Variants in USP48 observed in about 807,000 individuals in gnomAD.
USP48 encodes ubiquitin carboxyl-terminal hydrolase 48.
A neutral mutation model predicts 150.7 loss-of-function variants in USP48; 43 were observed. That is an observed-to-expected ratio of 0.29 (90% CI 0.22 to 0.37). The LOEUF (loss-of-function observed/expected upper bound fraction) is 0.37. USP48 is among the 10% of genes least tolerant of loss of function. The probability of loss-of-function intolerance (pLI) is 1.00; values close to 1 mark genes in which losing one functional copy is unlikely to be tolerated. For missense variants in USP48, 813 were observed against 1,249.6 expected (o/e 0.65, Z 5.27); for synonymous variants, 396 against 425.9 (o/e 0.93, Z 0.86).
chr1:21,771,931 G>A (rs1442215786), intron 1 of USP48, among the ~76,000 whole-genome samples: 1 of 150,892 alleles, frequency 6.6e-6, no homozygotes, highest in African/African-American at 2.4e-5. Flanking sequence ...AAAAAAAAAA[G>A]GACTGAAAAA....
chr1:21,728,434 C>A, intron 11 of USP48, 136 bp downstream of exon 11: 1 of 1,465,948 alleles, frequency 6.8e-7, no homozygotes, highest in Non-Finnish European at 9.0e-7. Flanking sequence ...TTACAAAGTA[C>A]TTTTAGAGTG....
chr1:21,720,516 T>G (rs1557492930), intron 14 of USP48, among the ~76,000 whole-genome samples: 3 of 151,560 alleles, frequency 2.0e-5, no homozygotes, highest in Non-Finnish European at 4.4e-5. Context: ...GCTCATTTTT[T>G]GGGTTTTTCT....
intron 21 of USP48, 57 bp from the exon 22 acceptor site, chr1:21,701,659 G>A (rs2152515078): frequency 6.8e-7 from 1 of 1,469,862 alleles, no homozygotes; most frequent in Non-Finnish European, 9.5e-7. Context: ...GGCAGGCTAT[G>A]GAGGATGTGG....
intron 1 of USP48, among the ~76,000 whole-genome samples, chr1:21,774,443 C>T (rs1044371117): frequency 6.6e-6 from 1 of 152,042 alleles, no homozygotes; most frequent in Non-Finnish European, 1.5e-5. Flanking sequence ...AATCCCAGCA[C>T]TTTGGGAGGC....
rs569248717 is a variant in USP48, at chr1:21,699,920, C to T, written c.2727+1578G>A. Among the ~76,000 whole-genome samples the T allele has an allele frequency of 9.3e-5, 14 of 150,620 alleles. No individual in the cohort carries two copies. The South Asian group carries it at 1.3e-3, about 14-fold the overall frequency. ...CTTGTATAGACCACAGAGATGTCCC[C>T]GCCACAGAGATGGGGACATGAAAAC... On this transcript the variant is annotated intron_variant, in intron 22 of 26. Coordinates refer to ENST00000308271, the MANE Select transcript of USP48 (RefSeq NM_032236.8).
chr1:21,733,421 C>CA (rs781008094), intron 9 of USP48, among the ~76,000 whole-genome samples: 37 of 150,270 alleles, frequency 2.5e-4, no homozygotes, highest in Non-Finnish European at 3.6e-4. Flanking sequence ...TGTCTCAAAA[C>CA]AAAAAAAAGA....
chr1:21,726,190 G>A (rs893886119), intron 11 of USP48, among the ~76,000 whole-genome samples: 13 of 152,036 alleles, frequency 8.6e-5, no homozygotes, highest in Admixed American at 8.5e-4. Flanking sequence ...ACAATGAAAG[G>A]AATCTAGGAA....
At chr1:21,718,778 G>A (rs1213535715) in intron 14 of USP48, among the ~76,000 whole-genome samples, 1 of 151,830 alleles carries the variant, frequency 6.6e-6, no homozygotes, top group Admixed American at 6.6e-5. Flanking sequence ...GGCTGATCTC[G>A]AACTTGTGAC....
intron 25 of USP48, among the ~76,000 whole-genome samples, chr1:21,683,890 T>G (rs2097573694): frequency 1.3e-5 from 2 of 152,198 alleles, no homozygotes; most frequent in Non-Finnish European, 2.9e-5. Flanking sequence ...GTATTGTCTT[T>G]CTGAGCCTGG....
intron 21 of USP48, 54 bp from the exon 22 acceptor site, chr1:21,701,656 T>C: frequency 6.6e-7 from 1 of 1,521,994 alleles, no homozygotes; most frequent in Non-Finnish European, 9.1e-7. Flanking sequence ...GAAGGCAGGC[T>C]ATGGAGGATG....
In USP48 at chr1:21,754,808, T is replaced by G. The variant is rs537512469; in HGVS notation, c.413-1689A>C. ...ATGGCCTCCCGGACACTCTCTCAGGTGACTCTGTAGGGGGTTCCAGGGCCC... is the reference window on the plus strand; with the variant it reads ...ATGGCCTCCCGGACACTCTCTCAGGGGACTCTGTAGGGGGTTCCAGGGCCC... On this transcript the variant is annotated intron_variant, in intron 3 of 26. Transcript: ENST00000308271. Among the ~76,000 whole-genome samples the G allele has an allele frequency of 2.0e-5, 3 of 152,224 alleles. No individual in the cohort carries two copies. The East Asian group carries it at 5.8e-4, about 29-fold the overall frequency.
intron 21 of USP48, among the ~76,000 whole-genome samples, chr1:21,702,725 T>C (rs1422314651): frequency 6.6e-6 from 1 of 152,180 alleles, no homozygotes; most frequent in Middle Eastern, 3.2e-3. Flanking sequence ...CTTCTTGGAA[T>C]AAATTTCATT....
chr1:21,702,012 G>A (rs997346251), intron 21 of USP48, among the ~76,000 whole-genome samples: 4 of 152,086 alleles, frequency 2.6e-5, no homozygotes, highest in East Asian at 3.8e-4. Context: ...TTGAGAAAAC[G>A]AAAGATGGAA....
chr1:21,728,796 T>A (rs2097747136), intron 10 of USP48, 77 bp from the exon 11 acceptor site: 11 of 1,501,762 alleles, frequency 7.3e-6, no homozygotes, highest in Non-Finnish European at 9.9e-6. Context: ...CTCTAAATCA[T>A]ATCAAATACT....
At chr1:21,706,392 A>C in intron 17 of USP48, 75 bp downstream of exon 17, 4 of 1,601,324 alleles carry the variant, frequency 2.5e-6, no homozygotes, top group Non-Finnish European at 3.4e-6. Context: ...GGTTGTTCTG[A>C]AATAGCTCAC....
intron 23 of USP48, among the ~76,000 whole-genome samples, chr1:21,692,560 A>C (rs1571715201): frequency 6.6e-6 from 1 of 152,232 alleles, no homozygotes. Context: ...ACGTTCACAC[A>C]TTATATTCTG....
chr1:21,756,383 A>T (rs1467935857), intron 3 of USP48, among the ~76,000 whole-genome samples, 163 bp downstream of exon 3: 1 of 149,002 alleles, frequency 6.7e-6, no homozygotes, highest in Admixed American at 6.8e-5. Context: ...CAAGAGGCTG[A>T]GGCAGGAGAA....
intron 26 of USP48, among the ~76,000 whole-genome samples, chr1:21,680,081 T>A (rs2097561687): frequency 6.6e-6 from 1 of 152,238 alleles, no homozygotes; most frequent in Non-Finnish European, 1.5e-5. Flanking sequence ...ACAACACAGC[T>A]GCAGCAAGAG....
intron 15 of USP48, among the ~76,000 whole-genome samples, 193 bp from the exon 16 acceptor site, chr1:21,707,061 G>T (rs1287191473): frequency 6.6e-6 from 1 of 151,984 alleles, no homozygotes; most frequent in Non-Finnish European, 1.5e-5. Context: ...TTCTAAAGGA[G>T]GTAGCCATTA....
Sources: allele counts gnomAD v4.1 joint callset (sites outside exome capture counted in the v4.1 genomes callset), GRCh38; gene constraint gnomAD v4.1.1; transcripts MANE v1.5; gene names NCBI Gene and HGNC (gene_info 2026-07-23, HGNC 2026-07-21).